ERG: variants seen among roughly 807,000 people sequenced by gnomAD.
ERG encodes ETS transcription factor ERG, also known as transcriptional regulator ERG.
In ERG, 9 loss-of-function variants were observed where a neutral mutation model predicts 55.3. The ratio of observed to expected loss-of-function variants is 0.16; its 90% confidence interval spans 0.10 to 0.28. ERG has a LOEUF of 0.28. ERG is among the 10% of genes least tolerant of loss of function. The probability of loss-of-function intolerance (pLI) is 1.00; values close to 1 mark genes in which losing one functional copy is unlikely to be tolerated. For missense variants in ERG, 434 were observed against 631.6 expected, an observed-to-expected ratio of 0.69 and a Z score of 3.35; for synonymous variants, 223 against 237.3, an observed-to-expected ratio of 0.94 and a Z score of 0.55.
chr21:38,498,472 G>T lies in ERG; in HGVS notation c.-92C>A. The T allele has an allele frequency of 6.4e-7, 1 of 1,552,476 alleles. No individual in the cohort carries two copies. The highest frequency in any genetic ancestry group is 2.3e-4 in the Middle Eastern group (1 of 4,324). On this transcript the variant is annotated 5_prime_UTR_variant, in exon 1 of 10. Transcript: ENST00000288319. The surrounding 1 kb of genome is among the most constrained non-coding windows in gnomAD (Gnocchi z 4.6). ...AGTAGTTTTGATGAGGTTGTTTAGA[G>T]CGGATGAGATTGTGCTAAGTCTGGG...
At chr21:38,526,636 T>C (rs1465602694) in intron 2 of ERG, among the ~76,000 whole-genome samples, 1 of 152,186 alleles carries the variant, frequency 6.6e-6, no homozygotes, top group East Asian at 1.9e-4. Flanking sequence ...TTAAAATACA[T>C]GCATATATTA....
intron 1 of ERG, among the ~76,000 whole-genome samples, chr21:38,578,161 G>A (rs1055058543): frequency 6.6e-5 from 10 of 152,216 alleles, no homozygotes; most frequent in East Asian, 5.8e-4. Flanking sequence ...GGCCCCTGCC[G>A]ACATCAGGGA....
chr21:38,539,389 T>G (rs919421548), intron 2 of ERG, among the ~76,000 whole-genome samples: 3 of 152,182 alleles, frequency 2.0e-5, no homozygotes, highest in African/African-American at 7.2e-5. Context: ...TTAAAAAGAT[T>G]CCATTTTGGC....
At chr21:38,494,013 T>C (rs1428138837) in intron 1 of ERG, among the ~76,000 whole-genome samples, 1 of 152,166 alleles carries the variant, frequency 6.6e-6, no homozygotes, top group East Asian at 1.9e-4. Flanking sequence ...TGCCATTTAT[T>C]GAGGATGGGT....
upstream of ERG, among the ~76,000 whole-genome samples, chr21:38,585,668 T>C (rs555855493): frequency 1.8e-4 from 27 of 151,642 alleles, no homozygotes; most frequent in South Asian, 1.0e-3. Flanking sequence ...TCTGTTTCCG[T>C]TGAAAATATT....
At chr21:38,452,670 T>C (rs1273957759) in intron 1 of ERG, among the ~76,000 whole-genome samples, 1 of 152,208 alleles carries the variant, frequency 6.6e-6, no homozygotes, top group Non-Finnish European at 1.5e-5. Context: ...CTCCTTCCTC[T>C]CTCATCCTAG....
chr21:38,567,571 C>T (rs2059930716), intron 2 of ERG, among the ~76,000 whole-genome samples: 1 of 152,182 alleles, frequency 6.6e-6, no homozygotes, highest in Non-Finnish European at 1.5e-5. Flanking sequence ...TCATAGTAGA[C>T]AGACTTTGGG....
intron 6 of ERG, among the ~76,000 whole-genome samples, chr21:38,397,623 A>T (rs1988293747): frequency 1.4e-5 from 2 of 146,338 alleles, no homozygotes; most frequent in South Asian, 2.2e-4. Flanking sequence ...AAAAAAGAAG[A>T]GAAAAGAAGA....
At chr21:38,629,575 T>C (rs2060345194) in intron 1 of ERG, among the ~76,000 whole-genome samples, 2 of 152,068 alleles carry the variant, frequency 1.3e-5, no homozygotes, top group South Asian at 4.1e-4. Flanking sequence ...TTCACACTCA[T>C]GAGGATGGCC....
intron 1 of ERG, among the ~76,000 whole-genome samples, chr21:38,629,613 T>C (rs2060345449): frequency 1.3e-5 from 2 of 152,276 alleles, no homozygotes; most frequent in African/African-American, 4.8e-5. Context: ...TCAAGTGTTG[T>C]TGAGGATATG....
At chr21:38,624,549 A>G (rs2060313247) in intron 1 of ERG, among the ~76,000 whole-genome samples, 1 of 152,096 alleles carries the variant, frequency 6.6e-6, no homozygotes, top group African/African-American at 2.4e-5. Context: ...CTGCTGGGAG[A>G]CACCCCTTCT....
At chr21:38,481,661 A>G (rs1323183283) in intron 1 of ERG, among the ~76,000 whole-genome samples, 2 of 152,236 alleles carry the variant, frequency 1.3e-5, no homozygotes, top group Non-Finnish European at 2.9e-5. Flanking sequence ...TGAAAATGTT[A>G]TGCTATCTCA....
rs1260622938 is a variant in ERG, at chr21:38,455,120, T to TTC, written c.19-9500_19-9499insGA. Among the ~76,000 whole-genome samples, 112 of 20,352 alleles carry TTC rather than the reference T, an allele frequency of 5.5e-3. No individual in the cohort carries two copies. The East Asian group carries it at 0.092, about 17-fold the overall frequency. The allele number at this position is 20,352 out of a possible 152,430, so 13.4% of individuals were successfully genotyped here. On this transcript the variant is annotated intron_variant, in intron 1 of 9. Transcript: ENST00000288319. ...TTTCTTTCTTTCTTTCTTTCTTTCT[T>TTC]TTTTTTTTTTTTTACCTAGAATAGC...
chr21:38,590,534 C>G (rs920426089), intron 1 of ERG, among the ~76,000 whole-genome samples: 1 of 152,160 alleles, frequency 6.6e-6, no homozygotes, highest in South Asian at 2.1e-4. Flanking sequence ...CTAAATTCAA[C>G]CTGCCCTTCA....
At chr21:38,524,487 C>A (rs1042695123) in intron 2 of ERG, among the ~76,000 whole-genome samples, 6 of 152,178 alleles carry the variant, frequency 3.9e-5, no homozygotes, top group African/African-American at 1.4e-4. Context: ...TCTATCTGCA[C>A]TGAAATTACT....
downstream of ERG, among the ~76,000 whole-genome samples, chr21:38,377,580 A>G (rs1987278076): frequency 6.6e-6 from 1 of 152,254 alleles, no homozygotes; most frequent in South Asian, 2.1e-4. Context: ...TTAAAATAAA[A>G]AGTTGTTAAC....
At chr21:38,589,298 G>A (rs578109403), upstream of ERG, among the ~76,000 whole-genome samples, 49 of 152,272 alleles carry the variant, frequency 3.2e-4, no homozygotes, top group Middle Eastern at 3.4e-3. Flanking sequence ...AGCAGCAGCC[G>A]TCCATCCCCA....
In ERG at chr21:38,611,887, G is replaced by T. The variant is rs148079114; in HGVS notation, c.-149-26942C>A. ...ACAAAAGAGAAGGGAGGTGAAGGCA[G>T]ATCTTTGTTTTCTGGTTTATAAACT... is the stretch of plus-strand genomic sequence containing the variant. On this transcript the variant is annotated intron_variant, in intron 1 of 10. Coordinates refer to the ERG transcript ENST00000398910. Among the ~76,000 whole-genome samples the T allele has an allele frequency of 9.9e-4, 151 of 152,126 alleles. 1 individual carries two copies. Among genetic ancestry groups the T allele is most frequent in the African/African-American group, 3.2e-3 (131 of 41,528 alleles).
At chr21:38,659,370 A>T (rs2060538187) in intron 1 of ERG, among the ~76,000 whole-genome samples, 2 of 152,256 alleles carry the variant, frequency 1.3e-5, no homozygotes, top group African/African-American at 4.8e-5. Flanking sequence ...GTTCTTCGCA[A>T]CGTCTGTTGC....
Sources: gnomAD v4.1 joint callset for allele counts (sites outside exome capture counted in the v4.1 genomes callset) on GRCh38, gnomAD v4.1.1 for gene constraint, Gnocchi (gnomAD v3.1) non-coding constraint, MANE v1.5 for transcripts, NCBI Gene and HGNC (gene_info 2026-07-23, HGNC 2026-07-21) for gene names.